Variants in PIEZO2 observed in about 807,000 individuals in gnomAD.
PIEZO2 encodes piezo type mechanosensitive ion channel component 2.
PIEZO2 carries 172 observed loss-of-function variants against 337.3 expected under a neutral mutation model. The ratio of observed to expected loss-of-function variants is 0.51; its 90% CI spans 0.45 to 0.58. The LOEUF is 0.58. PIEZO2 is among the 20% of genes least tolerant of loss of function. The pLI, the probability that PIEZO2 is intolerant of heterozygous loss-of-function variation, is 0.00. For missense variants in PIEZO2, 3,028 were observed against 3,391.3 expected (o/e 0.89, Z 2.66); for synonymous variants, 1,251 against 1,228.5 (o/e 1.02, Z -0.38).
chr18:11,100,634 C>G (rs544817862), intron 1 of PIEZO2, among the ~76,000 whole-genome samples: 1 of 152,054 alleles, frequency 6.6e-6, no homozygotes, highest in Non-Finnish European at 1.5e-5. Flanking sequence ...CTCACTCTGT[C>G]GCCCAGGCTG....
chr18:11,108,858 G>C (rs982785852), intron 1 of PIEZO2, among the ~76,000 whole-genome samples: 7 of 152,186 alleles, frequency 4.6e-5, no homozygotes, highest in African/African-American at 1.7e-4. Flanking sequence ...GGTCCCTCCA[G>C]CACATCAGTA....
chr18:11,028,359 CA>C lies in PIEZO2; in HGVS notation c.160+37767del, dbSNP rs1217969131. 1.3e-5 allele frequency among the ~76,000 whole-genome samples: 2 copies of C among 152,014 alleles called. No individual in the cohort carries two copies. Among genetic ancestry groups the C allele is most frequent in the African/African-American group, 4.8e-5 (2 of 41,362 alleles). On this transcript the variant is annotated intron_variant, in intron 2 of 55. Transcript: ENST00000674853. The surrounding 1 kb of genome is among the most constrained non-coding windows in gnomAD (Gnocchi z 4.8). ...CATTGCAACCTCTGCCTCCCAGGTTCAAGCAATTATCTTGCCTCAGCCTCCT... is the reference window on the plus strand; with the variant it reads ...CATTGCAACCTCTGCCTCCCAGGTTCAGCAATTATCTTGCCTCAGCCTCCT...
chr18:11,131,690 G>A lies in PIEZO2; in HGVS notation c.64+16835C>T, dbSNP rs1219589850. On this transcript the variant is annotated intron_variant, in intron 1 of 55. Coordinates refer to ENST00000674853, the MANE Select transcript of PIEZO2 (RefSeq NM_001378183.1). This position sits in a 1 kb window ranked among gnomAD's most constrained non-coding sequence, Gnocchi z 5.3. ...GTTTTGGCTGGATGGTCAGGGACTT[G>A]GAAAAAGCACGATGGGAAAATTGGT... Among the ~76,000 whole-genome samples the A allele has an allele frequency of 3.3e-5, 5 of 152,208 alleles. No individual in the cohort carries two copies. Among genetic ancestry groups the A allele is most frequent in the Non-Finnish European group, 1.5e-5 (1 of 68,040 alleles).
At chr18:11,093,626 G>A (rs981447370) in intron 1 of PIEZO2, among the ~76,000 whole-genome samples, 5 of 115,588 alleles carry the variant, frequency 4.3e-5, no homozygotes, top group African/African-American at 9.9e-5. Context: ...TCGCTCTGTC[G>A]CCCAGGCTGG....
Position 10,895,312 on chromosome 18 carries a change from G to C in PIEZO2, c.329+15874C>G, listed in dbSNP as rs2042867774. On this transcript the variant is annotated intron_variant, in intron 4 of 55. Transcript: ENST00000674853. This position sits in a 1 kb window ranked among gnomAD's most constrained non-coding sequence, Gnocchi z 4.8. Reference sequence around the variant, plus strand: ...AATACAAAAATTAGCTGGGTATGTTGGTGCGCACCTGTAATAACAGCTACT... The same window carrying C: ...AATACAAAAATTAGCTGGGTATGTTCGTGCGCACCTGTAATAACAGCTACT... Among the ~76,000 whole-genome samples the C allele has an allele frequency of 6.6e-6, 1 of 152,044 alleles. No individual in the cohort carries two copies. The highest frequency in any genetic ancestry group is 2.1e-4 in the South Asian group (1 of 4,812).
intron 1 of PIEZO2, among the ~76,000 whole-genome samples, chr18:11,122,267 T>C (rs575605381): frequency 6.6e-6 from 1 of 152,310 alleles, no homozygotes; most frequent in African/African-American, 2.4e-5. Context: ...AAGACTTCTT[T>C]CAATCTTATT....
In PIEZO2 at chr18:11,066,130, G is replaced by A; in HGVS notation, c.157C>T (p.Gln53Ter). 6.5e-7 allele frequency: 1 copy of A among 1,530,324 alleles called. No individual in the cohort carries two copies. The highest frequency in any genetic ancestry group is 8.8e-7 in the Non-Finnish European group (1 of 1,140,688). The allele number at this position is 1,530,324 out of a possible 1,614,324, so 94.8% of individuals were successfully genotyped here. A position where few individuals can be genotyped will look rare whatever the true frequency, so the allele number is the denominator to read the frequency against. Residue 53 changes from glutamine (Q) to a stop codon, truncating the protein, a stop_gained, in exon 2 of 56, where the codon CAA becomes TAA. Transcript: ENST00000674853. LOFTEE classifies it high-confidence loss of function. ...TACGATAACAAAATTCTCTTACCTTGCATCGTCGTTTTTGTTGGTTCTGAG... is the reference window on the plus strand; with the variant it reads ...TACGATAACAAAATTCTCTTACCTTACATCGTCGTTTTTGTTGGTTCTGAG... ...LFSEPTKTTMQGHTGRLLKSL... is the reference protein window; with the variant it reads ...LFSEPTKTTM
chr18:11,018,430 TGTG>T (rs1452631203), intron 2 of PIEZO2, among the ~76,000 whole-genome samples: 7 of 140,704 alleles, frequency 5.0e-5, no homozygotes, highest in Middle Eastern at 3.8e-3. Flanking sequence ...TGTGTGTGTG[TGTG>T]TTGAAATAAA....
chr18:11,005,541 C>G (rs2035688502), intron 2 of PIEZO2, among the ~76,000 whole-genome samples: 2 of 152,184 alleles, frequency 1.3e-5, no homozygotes. Flanking sequence ...TCATTACACA[C>G]CTGAGAGGGT....
chr18:10,910,842 G>A (rs1220421321), intron 4 of PIEZO2, among the ~76,000 whole-genome samples: 1 of 151,916 alleles, frequency 6.6e-6, no homozygotes. Context: ...CTGTAGAATT[G>A]GTTATGACAT....
At chr18:11,023,879 C>T (rs546867406) in intron 2 of PIEZO2, among the ~76,000 whole-genome samples, 221 of 152,316 alleles carry the variant, frequency 1.5e-3, no homozygotes, top group Middle Eastern at 3.4e-3. Context: ...CCTCCGCAGC[C>T]GCTGGCCCGG....
chr18:10,961,035 G>A lies in PIEZO2; in HGVS notation c.286+18500C>T, dbSNP rs538305252. Among the ~76,000 whole-genome samples the A allele has an allele frequency of 2.0e-5, 3 of 152,224 alleles. No individual in the cohort carries two copies. The East Asian group carries it at 5.8e-4, about 29-fold the overall frequency. On this transcript the variant is annotated intron_variant, in intron 3 of 55. Coordinates refer to ENST00000674853, the MANE Select transcript of PIEZO2 (RefSeq NM_001378183.1). ...CTACCAAAAATACAAGAAAAAATTA[G>A]CTGGGTGTGGTGGCGGGCACCCGTA... is the stretch of plus-strand genomic sequence containing the variant.
Position 10,789,137 on chromosome 18 carries a change from A to AT in PIEZO2, c.2110dup (p.Ile704AsnfsTer24). 6.5e-7 allele frequency: 1 copy of AT among 1,537,226 alleles called. No homozygotes were observed. Among genetic ancestry groups the AT allele is most frequent in the Non-Finnish European group, 8.7e-7 (1 of 1,146,906 alleles). On this transcript the variant is annotated frameshift_variant, in exon 15 of 56. Transcript: ENST00000674853. LOFTEE classifies it high-confidence loss of function. ...CATGTAGATGATTTTGTACATTACG[A>AT]TTTTACCCTCGAAGCTGACGAAGAA...
intron 2 of PIEZO2, among the ~76,000 whole-genome samples, chr18:11,005,302 C>G (rs1455079398): frequency 6.6e-6 from 1 of 152,220 alleles, no homozygotes; most frequent in Non-Finnish European, 1.5e-5. Flanking sequence ...AAATTTGACC[C>G]TGATACAAAG....
In PIEZO2 at chr18:11,105,911, T is replaced by C. The variant is rs2039545110; in HGVS notation, c.65-39689A>G. On this transcript the variant is annotated intron_variant, in intron 1 of 55. Coordinates refer to ENST00000674853, the MANE Select transcript of PIEZO2 (RefSeq NM_001378183.1). The surrounding 1 kb of genome is among the most constrained non-coding windows in gnomAD (Gnocchi z 4.3). ...TCCTTCTTCTGTAGGGTTATCTGACTGATTTAGGTCATTCCAAGGGTTTCT... is the reference window on the plus strand; with the variant it reads ...TCCTTCTTCTGTAGGGTTATCTGACCGATTTAGGTCATTCCAAGGGTTTCT... Among the ~76,000 whole-genome samples, 1 of 152,180 alleles carries C rather than the reference T, an allele frequency of 6.6e-6. No individual in the cohort carries two copies. The highest frequency in any genetic ancestry group is 1.5e-5 in the Non-Finnish European group (1 of 68,038).
chr18:10,744,933 C>A (rs187046586), intron 30 of PIEZO2, among the ~76,000 whole-genome samples: 58 of 152,342 alleles, frequency 3.8e-4, no homozygotes, highest in African/African-American at 1.3e-3. Flanking sequence ...GGAAAAAACA[C>A]CTGCTTGGGC....
At chr18:10,751,830 G>A (rs760400586) in intron 28 of PIEZO2, among the ~76,000 whole-genome samples, 8 of 152,186 alleles carry the variant, frequency 5.3e-5, no homozygotes, top group Admixed American at 1.3e-4. Flanking sequence ...TTAATTTCCC[G>A]CAGCACTAAA....
Position 10,787,122 on chromosome 18 carries a change from A to G in PIEZO2, c.2232T>C (p.Thr744=), listed in dbSNP as rs1454805798. ...KYFWMSVVIY[T]MLVLIFIYTY... ...TGTATATAAAGATAAGCACCAGCAT[A>G]GTGTAAATAACCACTGACATCCAAA... Residue 744 remains threonine, a synonymous_variant, in exon 16 of 56, where the codon ACT becomes ACC. Transcript: ENST00000674853. 4.3e-5 allele frequency: 66 copies of G among 1,535,860 alleles called. No individual in the cohort carries two copies. Among genetic ancestry groups the G allele is most frequent in the Non-Finnish European group, 5.8e-5 (66 of 1,146,102 alleles).
rs921243926 is a variant in PIEZO2 at position 11,027,844 on chromosome 18, A to G, written c.160+38283T>C. 2.0e-5 allele frequency among the ~76,000 whole-genome samples: 3 copies of G among 152,178 alleles called. No homozygotes were observed. The highest frequency in any genetic ancestry group is 7.2e-5 in the African/African-American group (3 of 41,434). ...TTATGACTTGGTAAGTGGTTTTTCC[A>G]TTTGAGAGTTTCATGTTGTTTTGCT... is the stretch of plus-strand genomic sequence containing the variant. On this transcript the variant is annotated intron_variant, in intron 2 of 55. Coordinates refer to ENST00000674853, the MANE Select transcript of PIEZO2 (RefSeq NM_001378183.1). This position sits in a 1 kb window ranked among gnomAD's most constrained non-coding sequence, Gnocchi z 4.2.
Sources: allele counts gnomAD v4.1 joint callset (sites outside exome capture counted in the v4.1 genomes callset), GRCh38; gene constraint gnomAD v4.1.1; non-coding constraint Gnocchi (gnomAD v3.1); transcripts MANE v1.5; gene names NCBI Gene and HGNC (gene_info 2026-07-23, HGNC 2026-07-21).